The following AGTPBP1 variants were observed in gnomAD, a reference collection of about 807,000 sequenced individuals.
AGTPBP1 encodes cytosolic carboxypeptidase 1.
A neutral mutation model predicts 143.9 loss-of-function variants in AGTPBP1; 70 were observed. The ratio of observed to expected loss-of-function variants is 0.49; its 90% CI spans 0.40 to 0.59. The LOEUF is 0.59. Among genes scored for constraint, AGTPBP1 ranks in the 20% least tolerant of loss-of-function variants. The probability of loss-of-function intolerance (pLI) is 0.00; values close to 1 mark genes in which losing one functional copy is unlikely to be tolerated. For missense variants in AGTPBP1, 1,229 were observed against 1,464.5 expected, an observed-to-expected ratio of 0.84 and a Z score of 2.62; for synonymous variants, 463 against 500.2, an observed-to-expected ratio of 0.93 and a Z score of 0.99.
intron 7 of AGTPBP1, among the ~76,000 whole-genome samples, chr9:85,671,323 A>G (rs1278475259): frequency 4.0e-5 from 6 of 151,390 alleles, no homozygotes; most frequent in African/African-American, 1.2e-4. Flanking sequence ...TTTTCCTTTT[A>G]CCTTTACTAT....
chr9:85,799,803 C>G, the AGTPBP1 span, among the ~76,000 whole-genome samples: 3,380 of 152,194 alleles, frequency 0.022, 126 homozygotes, highest in African/African-American at 0.077. Flanking sequence ...CAGGTGTTAG[C>G]CAGTGCGCCC....
At chr9:85,717,139 A>G (rs1346575699) in intron 1 of AGTPBP1, among the ~76,000 whole-genome samples, 1 of 152,144 alleles carries the variant, frequency 6.6e-6, no homozygotes, top group Non-Finnish European at 1.5e-5. Context: ...TAGCATACCC[A>G]TTGCCCTTGC....
chr9:85,789,005 C>A, the AGTPBP1 span, among the ~76,000 whole-genome samples: 1 of 152,028 alleles, frequency 6.6e-6, no homozygotes, highest in South Asian at 2.1e-4. Context: ...TTAACACATA[C>A]TTGTTTTACC....
At chr9:85,770,129 A>T in the AGTPBP1 span, among the ~76,000 whole-genome samples, 1 of 151,900 alleles carries the variant, frequency 6.6e-6, no homozygotes, top group Admixed American at 6.6e-5. Flanking sequence ...ACACTGCATT[A>T]TGTGGCATAG....
intron 1 of AGTPBP1, among the ~76,000 whole-genome samples, chr9:85,733,925 C>T (rs955551710): frequency 6.6e-6 from 1 of 152,060 alleles, no homozygotes; most frequent in Non-Finnish European, 1.5e-5. Flanking sequence ...CTAAATAGAC[C>T]CATAACTATT....
In AGTPBP1 at chr9:85,592,188, T is replaced by C. The variant is rs76031660; in HGVS notation, c.2568+372A>G. Among the ~76,000 whole-genome samples, 95 of 152,092 alleles carry C rather than the reference T, an allele frequency of 6.2e-4. 1 individual carries two copies. In the East Asian group the frequency reaches 0.018, roughly 28 times the overall value. On this transcript the variant is annotated intron_variant, in intron 19 of 25. Transcript: ENST00000357081. ...ATCTCACCTGGTTAAAAATTGTAAATCATGGAATCTTAGCTTAGAGAACTG... is the reference window on the plus strand; with the variant it reads ...ATCTCACCTGGTTAAAAATTGTAAACCATGGAATCTTAGCTTAGAGAACTG...
At chr9:85,556,113 A>G (rs987052240) in intron 25 of AGTPBP1, among the ~76,000 whole-genome samples, 5 of 152,200 alleles carry the variant, frequency 3.3e-5, no homozygotes, top group African/African-American at 1.2e-4. Flanking sequence ...ACAAACCTGC[A>G]TATGTATCGC....
chr9:85,601,773 G>A (rs1385154967), intron 17 of AGTPBP1, among the ~76,000 whole-genome samples: 1 of 152,202 alleles, frequency 6.6e-6, no homozygotes, highest in Non-Finnish European at 1.5e-5. Context: ...CACCAGTCAT[G>A]CTGGGTCCTA....
chr9:85,778,164 T>A, the AGTPBP1 span, among the ~76,000 whole-genome samples: 1 of 152,142 alleles, frequency 6.6e-6, no homozygotes, highest in Non-Finnish European at 1.5e-5. Context: ...ATCACATATA[T>A]AGCATTTCCA....
At chr9:85,725,269 T>C (rs1838394827) in intron 1 of AGTPBP1, among the ~76,000 whole-genome samples, 1 of 152,156 alleles carries the variant, frequency 6.6e-6, no homozygotes, top group Admixed American at 6.5e-5. Flanking sequence ...AAGATACTGC[T>C]TGAGTTCTTT....
At chr9:85,644,575 A>G (rs1249859308) in intron 12 of AGTPBP1, among the ~76,000 whole-genome samples, 1 of 152,136 alleles carries the variant, frequency 6.6e-6, no homozygotes, top group East Asian at 1.9e-4. Context: ...ACTCATTAGA[A>G]AAAAACAAAA....
chr9:85,637,105 G>A (rs893420443), intron 13 of AGTPBP1, among the ~76,000 whole-genome samples: 1 of 146,598 alleles, frequency 6.8e-6, no homozygotes, highest in Non-Finnish European at 1.5e-5. Context: ...GCAATGGCAT[G>A]ATCTCAGCTC....
chr9:85,692,601 T>C, intron 3 of AGTPBP1, 88 bp downstream of exon 3: 1 of 1,497,408 alleles, frequency 6.7e-7, no homozygotes, highest in Middle Eastern at 2.0e-4. Context: ...TGGAAAATCA[T>C]CCATTATTAG....
chr9:85,718,986 T>C (rs1837916559), intron 1 of AGTPBP1, among the ~76,000 whole-genome samples: 1 of 152,034 alleles, frequency 6.6e-6, no homozygotes, highest in East Asian at 1.9e-4. Context: ...TGCAGATGTA[T>C]GGTGTTATAT....
intron 17 of AGTPBP1, among the ~76,000 whole-genome samples, chr9:85,598,498 A>G (rs970844500): frequency 2.0e-5 from 3 of 152,134 alleles, no homozygotes; most frequent in Admixed American, 6.5e-5. Flanking sequence ...TGATATGTCA[A>G]ATTCTGAAAG....
intron 17 of AGTPBP1, among the ~76,000 whole-genome samples, chr9:85,606,702 C>A (rs149899499): frequency 6.6e-6 from 1 of 151,866 alleles, no homozygotes; most frequent in Non-Finnish European, 1.5e-5. Context: ...TATATATACA[C>A]AATGAAATAC....
At chr9:85,762,096 G>A in the AGTPBP1 span, among the ~76,000 whole-genome samples, 1 of 152,114 alleles carries the variant, frequency 6.6e-6, no homozygotes, top group South Asian at 2.1e-4. Context: ...AGTTAGAATG[G>A]CGATCATTAA....
In AGTPBP1 at chr9:85,586,830, C is replaced by T; in HGVS notation, c.3033+1G>A. The T allele has an allele frequency of 6.2e-7, 1 of 1,612,574 alleles. No individual in the cohort carries two copies. The highest frequency in any genetic ancestry group is 8.5e-7 in the Non-Finnish European group (1 of 1,179,062). ...AAGTAAAAACAAGTATTGCTACTTA[C>T]CAAGGGTAAACGCTTCACTGCAGCC... On this transcript the variant is annotated splice_donor_variant, in intron 22 of 25. Transcript: ENST00000357081. LOFTEE classifies it high-confidence loss of function.
chr9:85,777,420 G>A, the AGTPBP1 span, among the ~76,000 whole-genome samples: 1 of 152,252 alleles, frequency 6.6e-6, no homozygotes, highest in East Asian at 1.9e-4. Flanking sequence ...TCTGCTGCTG[G>A]CAAATTGGGC....
Sources: allele counts gnomAD v4.1 joint callset (sites outside exome capture counted in the v4.1 genomes callset), GRCh38; gene constraint gnomAD v4.1.1; transcripts MANE v1.5; gene names NCBI Gene and HGNC (gene_info 2026-07-23, HGNC 2026-07-21).